The following CYTH1 variants were observed in gnomAD, a reference collection of about 807,000 sequenced individuals.
CYTH1 encodes cytohesin-1.
Under a neutral mutation model 61.8 loss-of-function variants are expected in CYTH1, and 18 were observed. The observed-to-expected ratio is 0.29, with a 90% CI of 0.20 to 0.43. CYTH1 has a LOEUF of 0.43. CYTH1 is among the 20% of genes least tolerant of loss of function. CYTH1 has a pLI of 1.00. For synonymous variants in CYTH1, 174 were observed against 184.3 expected, an observed-to-expected ratio of 0.94 and a Z score of 0.45; for missense variants, 336 against 510.5, an observed-to-expected ratio of 0.66 and a Z score of 3.29.
At chr17:78,712,101 G>T (rs2093138773) in intron 1 of CYTH1, among the ~76,000 whole-genome samples, 1 of 123,194 alleles carries the variant, frequency 8.1e-6, no homozygotes, top group Non-Finnish European at 1.6e-5. Context: ...AGGAAAGAAG[G>T]AAGGAAGGAA....
At chr17:78,703,232 T>G (rs2093031444) in intron 3 of CYTH1, among the ~76,000 whole-genome samples, 1 of 151,530 alleles carries the variant, frequency 6.6e-6, no homozygotes, top group Admixed American at 6.6e-5. Context: ...GCCAACATGG[T>G]GAAACCCTGT....
intron 11 of CYTH1, chr17:78,691,353 T>TA (rs1338137830): frequency 7.9e-5 from 12 of 152,256 alleles, no homozygotes; most frequent in Admixed American, 7.9e-4. Context: ...CGCTAAGTGT[T>TA]AGACACGACA....
chr17:78,747,958 C>G (rs899989344), intron 1 of CYTH1, among the ~76,000 whole-genome samples: 56 of 152,274 alleles, frequency 3.7e-4, no homozygotes, highest in African/African-American at 1.3e-3. Flanking sequence ...ATGCTCGGGT[C>G]CACTCTCACA....
At chr17:78,781,076 G>C (rs1040007071) in intron 1 of CYTH1, among the ~76,000 whole-genome samples, 2 of 151,442 alleles carry the variant, frequency 1.3e-5, no homozygotes, top group African/African-American at 4.8e-5. Context: ...GGGCATGGTG[G>C]CGTGCGTATG....
rs1341097481 is a variant in CYTH1, at chr17:78,700,197, A to C, written c.550+134T>G. 1 of 734,002 alleles carries C rather than the reference A, an allele frequency of 1.4e-6. No individual in the cohort carries two copies. The highest frequency in any genetic ancestry group is 2.1e-6 in the Non-Finnish European group (1 of 470,402). 45.5% of individuals were successfully genotyped at this position (734,002 alleles called of 1,614,324 possible). On this transcript the variant is annotated intron_variant, in intron 7 of 13. Coordinates refer to ENST00000446868, the MANE Select transcript of CYTH1 (RefSeq NM_004762.6). This position sits in a 1 kb window ranked among gnomAD's most constrained non-coding sequence, Gnocchi z 5.1. ...ACTTTCAGGTTATTTCCAACATTTT[A>C]CTATTATAACTATCATTGAGTAAAC...
At chr17:78,703,549 A>G (rs1176911566) in intron 3 of CYTH1, among the ~76,000 whole-genome samples, 3 of 151,948 alleles carry the variant, frequency 2.0e-5, no homozygotes, top group African/African-American at 7.3e-5. Context: ...GAACATTTTC[A>G]TCTCCCCTAC....
chr17:78,720,303 G>A (rs966937156), intron 1 of CYTH1, among the ~76,000 whole-genome samples: 2 of 151,956 alleles, frequency 1.3e-5, no homozygotes, highest in African/African-American at 2.4e-5. Flanking sequence ...AATACCCCCG[G>A]CACTTTGATT....
At chr17:78,744,006 G>A (rs1202589223) in intron 1 of CYTH1, among the ~76,000 whole-genome samples, 1 of 152,202 alleles carries the variant, frequency 6.6e-6, no homozygotes, top group African/African-American at 2.4e-5. Context: ...TGGGCTGTGT[G>A]GAGTGTAAAA....
At chr17:78,745,770 T>C (rs2093357365) in intron 1 of CYTH1, among the ~76,000 whole-genome samples, 1 of 152,130 alleles carries the variant, frequency 6.6e-6, no homozygotes, top group African/African-American at 2.4e-5. Context: ...CACACACTTG[T>C]AGTCCCAGCT....
rs79411385 is a variant in CYTH1 at position 78,761,395 on chromosome 17, G to T, written c.22+20807C>A. 5.8e-3 allele frequency among the ~76,000 whole-genome samples: 879 copies of T among 152,184 alleles called. 39 individuals are homozygous for T. The East Asian group carries it at 0.11, about 19-fold the overall frequency. On this transcript the variant is annotated intron_variant, in intron 1 of 13. Coordinates refer to ENST00000446868, the MANE Select transcript of CYTH1 (RefSeq NM_004762.6). ...GACCTTGGGAACGTGATAATACAGG[G>T]AACTAAAAGCACTCACACTACTCAA...
At chr17:78,701,062 AC>A (rs1371358984) in intron 6 of CYTH1, among the ~76,000 whole-genome samples, 2 of 152,240 alleles carry the variant, frequency 1.3e-5, no homozygotes, top group Non-Finnish European at 2.9e-5. Context: ...CTCATTTTAA[AC>A]AAACGCTATT....
At chr17:78,748,274 G>C (rs1041406001) in intron 1 of CYTH1, among the ~76,000 whole-genome samples, 2 of 152,200 alleles carry the variant, frequency 1.3e-5, no homozygotes, top group African/African-American at 4.8e-5. Flanking sequence ...AGCTTGGCGT[G>C]GTTTTACTGG....
chr17:78,769,543 T>A (rs1247846949), intron 1 of CYTH1, among the ~76,000 whole-genome samples: 1 of 151,954 alleles, frequency 6.6e-6, no homozygotes, highest in Non-Finnish European at 1.5e-5. Context: ...CTCTCCTTGG[T>A]TTACCTACAT....
At chr17:78,766,417 A>G (rs1207744913) in intron 1 of CYTH1, among the ~76,000 whole-genome samples, 1 of 152,204 alleles carries the variant, frequency 6.6e-6, no homozygotes, top group Non-Finnish European at 1.5e-5. Context: ...TTCTGGCTCC[A>G]GGGAATCATC....
intron 1 of CYTH1, among the ~76,000 whole-genome samples, chr17:78,763,937 C>A (rs1437818466): frequency 6.6e-6 from 1 of 152,074 alleles, no homozygotes; most frequent in Non-Finnish European, 1.5e-5. Flanking sequence ...ATGGCCAAAC[C>A]CTGTCTCTAC....
rs556149130 is a variant in CYTH1, at chr17:78,728,421, T to C, written c.23-18689A>G. Among the ~76,000 whole-genome samples, 132 of 152,190 alleles carry C rather than the reference T, an allele frequency of 8.7e-4. 2 individuals carry two copies. The highest frequency in any genetic ancestry group is 5.3e-3 in the Admixed American group (81 of 15,274). The stretch of plus-strand genomic sequence containing the variant: ...TTAGCCAGGTGTGGTGGCACATGCC[T>C]GTAATCCCTGCTACTTGGGAGGCTG... On this transcript the variant is annotated intron_variant, in intron 1 of 13. Coordinates refer to ENST00000446868, the MANE Select transcript of CYTH1 (RefSeq NM_004762.6).
chr17:78,678,003 A>G (rs2092718987), intron 13 of CYTH1: 2 of 152,170 alleles, frequency 1.3e-5, no homozygotes, highest in Middle Eastern at 3.1e-3. Flanking sequence ...GGATAATCCT[A>G]ATGGTCCCAC....
rs376194627 is a variant in CYTH1, at chr17:78,773,220, A to G, written c.22+8982T>C. On this transcript the variant is annotated intron_variant, in intron 1 of 13. Transcript: ENST00000446868. The stretch of plus-strand genomic sequence containing the variant: ...TGTGGTGGCTCATGCCTGTAATCCT[A>G]GTACTTTAGGAAGCCAAGGCAGGAG... 7.9e-5 allele frequency among the ~76,000 whole-genome samples: 12 copies of G among 152,312 alleles called. 4 individuals are homozygous for G. The highest frequency in any genetic ancestry group is 6.5e-5 in the Admixed American group (1 of 15,304).
intron 10 of CYTH1, among the ~76,000 whole-genome samples, chr17:78,692,749 G>A (rs772577053): frequency 1.1e-4 from 17 of 152,040 alleles, no homozygotes. Context: ...ACGGCAGGAT[G>A]AGCATGGGTT....
Sources: allele counts gnomAD v4.1 joint callset (sites outside exome capture counted in the v4.1 genomes callset), GRCh38; gene constraint gnomAD v4.1.1; non-coding constraint Gnocchi (gnomAD v3.1); transcripts MANE v1.5; gene names NCBI Gene and HGNC (gene_info 2026-07-23, HGNC 2026-07-21).